The following PMFBP1 variants were observed in gnomAD, a reference collection of about 807,000 sequenced individuals.
PMFBP1 encodes polyamine modulated factor 1 binding protein 1, also known as polyamine-modulated factor 1-binding protein 1.
PMFBP1 carries 131 observed loss-of-function variants against 137.8 expected under a neutral mutation model. The ratio of observed to expected loss-of-function variants is 0.95; its 90% CI spans 0.82 to 1.10. PMFBP1 has a LOEUF of 1.10. PMFBP1 is among the 50% of genes least tolerant of loss of function. The pLI, the probability that PMFBP1 is intolerant of heterozygous loss-of-function variation, is 0.00. For missense variants in PMFBP1, 1,199 were observed against 1,175.4 expected (o/e 1.02, Z -0.29); for synonymous variants, 490 against 450.4 (o/e 1.09, Z -1.11).
intron 12 of PMFBP1, 134 bp downstream of exon 12, chr16:72,130,079 C>T: frequency 8.4e-7 from 1 of 1,189,806 alleles, no homozygotes; most frequent in Non-Finnish European, 1.2e-6. Flanking sequence ...GGTCTGGAAC[C>T]CCTGGGCTCA....
chr16:72,142,079 T>C (rs2042732332), intron 5 of PMFBP1, among the ~76,000 whole-genome samples: 1 of 151,648 alleles, frequency 6.6e-6, no homozygotes, highest in African/African-American at 2.4e-5. Flanking sequence ...CTTGTCTCTC[T>C]AACTGGGCTT....
chr16:72,247,474 A>G, the PMFBP1 span, among the ~76,000 whole-genome samples: 1 of 152,222 alleles, frequency 6.6e-6, no homozygotes, highest in African/African-American at 2.4e-5. Flanking sequence ...TGACTACAGA[A>G]CATCCCAAAA....
chr16:72,181,245 A>T (rs34656481), upstream of PMFBP1, among the ~76,000 whole-genome samples: 25,241 of 150,690 alleles, frequency 0.17, 2,256 homozygotes, highest in South Asian at 0.19. Flanking sequence ...CTCAAAAAAA[A>T]AAAAATAATA....
At chr16:72,247,597 A>C in the PMFBP1 span, among the ~76,000 whole-genome samples, 1 of 152,206 alleles carries the variant, frequency 6.6e-6, no homozygotes, top group Non-Finnish European at 1.5e-5. Context: ...GACAAGGTGC[A>C]ATGTGGCTTG....
chr16:72,196,562 G>A, the PMFBP1 span, among the ~76,000 whole-genome samples: 31 of 152,340 alleles, frequency 2.0e-4, 2 homozygotes, highest in Admixed American at 1.0e-3. Context: ...AGTGGTATCT[G>A]TTCTACATGC....
At chr16:72,128,633 C>T (rs376245163) in intron 14 of PMFBP1, 24 bp downstream of exon 14, 27 of 1,613,890 alleles carry the variant, frequency 1.7e-5, no homozygotes, top group Non-Finnish European at 2.1e-5. Context: ...ATTCCTCACT[C>T]CCTTGGGGTT....
Position 72,140,410 on chromosome 16 carries a change from A to G in PMFBP1, c.807+2T>C, listed in dbSNP as rs115493873. 33 of 1,612,266 alleles carry G rather than the reference A, an allele frequency of 2.0e-5. No homozygotes were observed. The African/African-American group carries it at 3.5e-4, about 17-fold the overall frequency. ...AGACATGTTCTAGAAGAAGGCACTT[A>G]CCAAAGCGTTACTGCAGGCCAGCTT... On this transcript the variant is annotated splice_donor_variant, in intron 6 of 20. Coordinates refer to ENST00000237353, the MANE Select transcript of PMFBP1 (RefSeq NM_031293.3). LOFTEE classifies it high-confidence loss of function.
At chr16:72,230,709 A>T in the PMFBP1 span, among the ~76,000 whole-genome samples, 6 of 152,070 alleles carry the variant, frequency 3.9e-5, no homozygotes, top group Non-Finnish European at 8.8e-5. Flanking sequence ...CCAAATCCTG[A>T]TGTTCTAACA....
chr16:72,189,779 C>T, the PMFBP1 span, among the ~76,000 whole-genome samples: 1 of 152,186 alleles, frequency 6.6e-6, no homozygotes, highest in Non-Finnish European at 1.5e-5. Flanking sequence ...ACATGGAAGA[C>T]AGTTACTACT....
chr16:72,127,411 T>G (rs1175288733), intron 14 of PMFBP1, among the ~76,000 whole-genome samples: 1 of 152,212 alleles, frequency 6.6e-6, no homozygotes, highest in African/African-American at 2.4e-5. Context: ...CAGCAGGGTC[T>G]GCCCAGTAAA....
rs1434453308 is a variant in PMFBP1, at chr16:72,119,163, A to G, written c.*175T>C. On this transcript the variant is annotated 3_prime_UTR_variant, in exon 21 of 21. Coordinates refer to ENST00000237353, the MANE Select transcript of PMFBP1 (RefSeq NM_031293.3). ...AGATGGTAGTATGGTTCTAAAGCTC[A>G]CTCCATGGCAGGAAGTGGACAAAAC... 1 of 667,950 alleles carries G rather than the reference A, an allele frequency of 1.5e-6. No homozygotes were observed. The highest frequency in any genetic ancestry group is 1.8e-5 in the African/African-American group (1 of 54,746). The allele number at this position is 667,950 out of a possible 1,614,324, so 41.4% of individuals were successfully genotyped here.
chr16:72,124,957 G>T (rs373073157), intron 16 of PMFBP1, 23 bp from the exon 17 acceptor site: 2 of 1,608,582 alleles, frequency 1.2e-6, no homozygotes, highest in African/African-American at 2.7e-5. Context: ...GCAAAGTGAG[G>T]AGGGGGACTC....
chr16:72,207,467 T>C, the PMFBP1 span, among the ~76,000 whole-genome samples: 1 of 152,078 alleles, frequency 6.6e-6, no homozygotes, highest in Non-Finnish European at 1.5e-5. Context: ...GCAAGGCTAA[T>C]AGGTAGTAGG....
the PMFBP1 span, among the ~76,000 whole-genome samples, chr16:72,204,540 C>A: frequency 6.6e-6 from 1 of 152,122 alleles, no homozygotes; most frequent in Non-Finnish European, 1.5e-5. Context: ...ATGGGCAGTC[C>A]TTTAAGAGCA....
the PMFBP1 span, among the ~76,000 whole-genome samples, chr16:72,199,069 G>C: frequency 6.6e-6 from 1 of 152,188 alleles, no homozygotes; most frequent in Non-Finnish European, 1.5e-5. Flanking sequence ...CCTAGGGTGA[G>C]TGGCTGTGCT....
chr16:72,219,487 G>T, the PMFBP1 span, among the ~76,000 whole-genome samples: 1 of 152,176 alleles, frequency 6.6e-6, no homozygotes, highest in Non-Finnish European at 1.5e-5. Flanking sequence ...TATGTCGGGG[G>T]CCTGTGAGGA....
At chr16:72,132,081 G>C (rs1198494671) in intron 10 of PMFBP1, among the ~76,000 whole-genome samples, 2 of 152,172 alleles carry the variant, frequency 1.3e-5, no homozygotes, top group Non-Finnish European at 2.9e-5. Context: ...CTGGGCTCAA[G>C]TGATCCGCCC....
intron 20 of PMFBP1, 135 bp downstream of exon 20, chr16:72,119,716 G>C: frequency 6.7e-7 from 1 of 1,496,942 alleles, no homozygotes; most frequent in Non-Finnish European, 8.9e-7. Context: ...TGAAAACAAC[G>C]ATCTTTGGTC....
Position 72,120,018 on chromosome 16 carries a change from T to A in PMFBP1, c.2840A>T (p.Lys947Met). 1 of 1,614,162 alleles carries A rather than the reference T, an allele frequency of 6.2e-7. No individual in the cohort carries two copies. The highest frequency in any genetic ancestry group is 8.5e-7 in the Non-Finnish European group (1 of 1,180,014). The change falls in exon 20 of 21, where the codon AAG becomes ATG. Residue 947 changes from lysine (K) to methionine (M), a missense_variant. Lys to Met is a moderately conservative substitution (Grantham distance 95, BLOSUM62 -1). Coordinates refer to ENST00000237353, the MANE Select transcript of PMFBP1 (RefSeq NM_031293.3). Reference protein sequence around the residue: ...KKLKKEIEEKKMKAENTRLCT... With the variant: ...KKLKKEIEEKMMKAENTRLCT... ...TAGCCTTGTGTTCTCGGCTTTCATCTTCTTCTCTTCTATCTCCTTCTTCAG... is the reference window on the plus strand; with the variant it reads ...TAGCCTTGTGTTCTCGGCTTTCATCATCTTCTCTTCTATCTCCTTCTTCAG...
Sources: allele counts gnomAD v4.1 joint callset (sites outside exome capture counted in the v4.1 genomes callset), GRCh38; gene constraint gnomAD v4.1.1; transcripts MANE v1.5; gene names NCBI Gene and HGNC (gene_info 2026-07-23, HGNC 2026-07-21).